The following SDK1 variants were observed in gnomAD, a reference collection of about 807,000 sequenced individuals.
SDK1 encodes the protein sidekick cell adhesion molecule 1.
In SDK1, 157 loss-of-function variants were observed where a neutral mutation model predicts 245.5. That is an observed-to-expected ratio of 0.64 (90% CI 0.56 to 0.73). SDK1 has a LOEUF of 0.73. SDK1 is among the 30% of genes least tolerant of loss of function. The probability of loss-of-function intolerance (pLI) is 0.00; values close to 1 mark genes in which losing one functional copy is unlikely to be tolerated. For missense variants in SDK1, 3,583 were observed against 3,002.3 expected (o/e 1.19, Z -4.52); for synonymous variants, 1,647 against 1,278.5 (o/e 1.29, Z -6.15).
intron 1 of SDK1, among the ~76,000 whole-genome samples, chr7:3,580,977 AAAAAAAAAAAAAAAAAACCAAAAC>A (rs1312141906): frequency 7.2e-6 from 1 of 138,142 alleles, no homozygotes; most frequent in Non-Finnish European, 1.6e-5. Flanking sequence ...TCAAAAAAAA[AAAAAAAAAAAAAAAAAACCAAAAC>A]AAAACCCTGG....
intron 4 of SDK1, among the ~76,000 whole-genome samples, chr7:3,649,044 T>C (rs1562629618): frequency 6.6e-6 from 1 of 152,150 alleles, no homozygotes. Flanking sequence ...GAGCACTTAA[T>C]TAGTGCCAGC....
At chr7:3,521,094 G>A (rs576826531) in intron 1 of SDK1, among the ~76,000 whole-genome samples, 3 of 151,998 alleles carry the variant, frequency 2.0e-5, no homozygotes, top group Non-Finnish European at 2.9e-5. Context: ...TTTGATTGTC[G>A]GATGGAAGCC....
At chr7:3,852,862 A>G (rs947351401) in intron 5 of SDK1, among the ~76,000 whole-genome samples, 3 of 151,850 alleles carry the variant, frequency 2.0e-5, no homozygotes, top group African/African-American at 7.3e-5. Flanking sequence ...CTTAAATTCC[A>G]TGTACTTTTG....
intron 1 of SDK1, among the ~76,000 whole-genome samples, chr7:3,458,612 C>G (rs1047254105): frequency 6.6e-6 from 1 of 151,796 alleles, no homozygotes; most frequent in African/African-American, 2.4e-5. Context: ...ATACAACCTA[C>G]CTGGAATGGA....
intron 4 of SDK1, among the ~76,000 whole-genome samples, chr7:3,645,890 G>A (rs182748146): frequency 6.6e-6 from 1 of 151,486 alleles, no homozygotes; most frequent in East Asian, 1.9e-4. Context: ...ATGGAGTCTT[G>A]TTCTGTTGCC....
At chr7:3,943,830 A>C (rs562670545) in intron 5 of SDK1, among the ~76,000 whole-genome samples, 12 of 152,044 alleles carry the variant, frequency 7.9e-5, no homozygotes, top group African/African-American at 2.7e-4. Context: ...CATGTGGGGG[A>C]AATTGACTAG....
intron 32 of SDK1, among the ~76,000 whole-genome samples, chr7:4,163,454 A>G (rs868666044): frequency 7.9e-5 from 12 of 152,270 alleles, no homozygotes; most frequent in African/African-American, 2.9e-4. Context: ...GGAGGCAGGA[A>G]GGGGTCCTGT....
intron 44 of SDK1, among the ~76,000 whole-genome samples, chr7:4,253,424 A>G (rs12531029): frequency 0.19 from 29,070 of 152,016 alleles, 3,174 homozygotes; most frequent in Non-Finnish European, 0.25. Context: ...ACATTTCCTC[A>G]TATTTGTGAA....
At chr7:4,120,519 A>G (rs1467730550) in intron 25 of SDK1, among the ~76,000 whole-genome samples, 1 of 149,188 alleles carries the variant, frequency 6.7e-6, no homozygotes, top group Non-Finnish European at 1.5e-5. Context: ...CAGATAAACT[A>G]ATCTTCCAGG....
intron 20 of SDK1, among the ~76,000 whole-genome samples, chr7:4,073,571 A>G (rs1261853694): frequency 6.6e-6 from 1 of 152,248 alleles, no homozygotes; most frequent in Non-Finnish European, 1.5e-5. Context: ...TTAAACAAAT[A>G]AAATTTTCTG....
Position 4,227,381 on chromosome 7 carries a change from C to T in SDK1, c.5828-5874C>T, listed in dbSNP as rs534506147. 23 of 471,224 alleles carry T rather than the reference C, an allele frequency of 4.9e-5. 1 individual carries two copies. Among genetic ancestry groups the T allele is most frequent in the South Asian group, 3.3e-4 (21 of 64,548 alleles). The allele number at this position is 471,224 out of a possible 1,614,324, so 29.2% of individuals were successfully genotyped here. On this transcript the variant is annotated intron_variant, in intron 40 of 44. Transcript: ENST00000404826. Reference sequence around the variant, plus strand: ...GGGCTTTCTTCGTCATCTTAACATGCAATGCATTTTGCCTCCTGCCTTGAA... The same window carrying T: ...GGGCTTTCTTCGTCATCTTAACATGTAATGCATTTTGCCTCCTGCCTTGAA...
rs1259234096 is a variant in SDK1, at chr7:3,772,902, C to G, written c.714-48548C>G. Among the ~76,000 whole-genome samples, 6 of 152,226 alleles carry G rather than the reference C, an allele frequency of 3.9e-5. No individual in the cohort carries two copies. In the East Asian group the frequency reaches 1.2e-3, roughly 29 times the overall value. On this transcript the variant is annotated intron_variant, in intron 4 of 44. Transcript: ENST00000404826. ...TTCAAATTTTCTGATAACAAATCTG[C>G]TGATAATTTTATTGAGGATCCCATG...
intron 14 of SDK1, among the ~76,000 whole-genome samples, chr7:4,001,878 C>G (rs1785103766): frequency 6.6e-6 from 1 of 152,222 alleles, no homozygotes; most frequent in South Asian, 2.1e-4. Context: ...TCTGTCTTCT[C>G]TTCCAGGGTT....
intron 22 of SDK1, among the ~76,000 whole-genome samples, chr7:4,098,560 T>C (rs914209376): frequency 2.6e-5 from 4 of 152,210 alleles, no homozygotes; most frequent in Admixed American, 2.6e-4. Flanking sequence ...GGTATCGTGC[T>C]ACAGATTAGA....
Position 4,265,388 on chromosome 7 carries a change from A to C in SDK1, c.*4A>C, listed in dbSNP as rs1220626217. 3 of 1,428,210 alleles carry C rather than the reference A, an allele frequency of 2.1e-6. No homozygotes were observed. The highest frequency in any genetic ancestry group is 3.1e-5 in the Admixed American group (1 of 32,706). 88.5% of individuals were successfully genotyped at this position (1,428,210 alleles called of 1,614,324 possible). Reference sequence around the variant, plus strand: ...CGGCTTCTCCTCCTTCGTGTGAGCAAAGCGCCGCGCCTCCCTCAGGGCGGA... The same window carrying C: ...CGGCTTCTCCTCCTTCGTGTGAGCACAGCGCCGCGCCTCCCTCAGGGCGGA... On this transcript the variant is annotated 3_prime_UTR_variant, in exon 45 of 45. Coordinates refer to ENST00000404826, the MANE Select transcript of SDK1 (RefSeq NM_152744.4).
At chr7:4,247,140 A>G (rs1786923987) in intron 44 of SDK1, among the ~76,000 whole-genome samples, 1 of 152,278 alleles carries the variant, frequency 6.6e-6, no homozygotes, top group African/African-American at 2.4e-5. Flanking sequence ...CTCAGGTTCT[A>G]AATCAATATT....
chr7:3,826,085 A>G (rs1387062503), intron 5 of SDK1, among the ~76,000 whole-genome samples: 1 of 152,164 alleles, frequency 6.6e-6, no homozygotes, highest in Non-Finnish European at 1.5e-5. Flanking sequence ...TGCTGTACGG[A>G]GTGAAGTGTG....
intron 1 of SDK1, among the ~76,000 whole-genome samples, chr7:3,386,990 A>T (rs1354405967): frequency 1.3e-5 from 2 of 152,314 alleles, no homozygotes; most frequent in East Asian, 3.9e-4. Flanking sequence ...GAGCTATGGC[A>T]CATTCATCTT....
Position 3,301,827 on chromosome 7 carries a change from C to G in SDK1, c.241C>G (p.Arg81Gly). ...GGCGGCAAAGTTGGGGCCGGGCCGC[C>G]GCGGCTGGTGGGCGCTGCTGGCGCT... Reference protein sequence around the residue: ...RRAAKLGPGRRGWWALLALQL... With the variant: ...RRAAKLGPGRGGWWALLALQL... The change falls in exon 1 of 45, where the codon CGC (arginine) becomes GGC (glycine). Residue 81 changes from arginine (R) to glycine (G), a missense_variant. By Grantham distance (125) the Arg-to-Gly change is moderately radical. Transcript: ENST00000404826. 9.0e-7 allele frequency: 1 copy of G among 1,111,194 alleles called. No individual in the cohort carries two copies. Among genetic ancestry groups the G allele is most frequent in the Non-Finnish European group, 1.1e-6 (1 of 912,052 alleles). 68.8% of individuals were successfully genotyped at this position (1,111,194 alleles called of 1,614,324 possible).
Sources: allele counts gnomAD v4.1 joint callset (sites outside exome capture counted in the v4.1 genomes callset), GRCh38; gene constraint gnomAD v4.1.1; transcripts MANE v1.5; gene names NCBI Gene and HGNC (gene_info 2026-07-23, HGNC 2026-07-21).